The following UBAC2 variants were observed in gnomAD, a reference collection of about 807,000 sequenced individuals.
UBAC2 encodes the protein ubiquitin-associated domain-containing protein 2.
In UBAC2, 26 loss-of-function variants were observed where a neutral mutation model predicts 44.0. The observed-to-expected ratio is 0.59, with a 90% CI of 0.43 to 0.82. UBAC2 has a LOEUF of 0.82. Ranked by LOEUF, UBAC2 falls within the 40% of genes least tolerant of loss-of-function variation. The pLI, the probability that UBAC2 is intolerant of heterozygous loss-of-function variation, is 0.00. For missense variants in UBAC2, 329 were observed against 419.4 expected (o/e 0.78, Z 1.88); for synonymous variants, 155 against 154.3 (o/e 1.00, Z -0.04).
At chr13:99,293,605 G>A (rs898890174) in intron 4 of UBAC2, among the ~76,000 whole-genome samples, 9 of 152,166 alleles carry the variant, frequency 5.9e-5, no homozygotes, top group Non-Finnish European at 1.2e-4. Flanking sequence ...GCTTTCATCC[G>A]TGTTGTCTCA....
intron 1 of UBAC2, among the ~76,000 whole-genome samples, chr13:99,220,166 T>C (rs1389455205): frequency 2.0e-5 from 3 of 152,206 alleles, no homozygotes; most frequent in African/African-American, 4.8e-5. Context: ...AGTACACATA[T>C]AAAGTTATCA....
chr13:99,235,952 A>C (rs893900734), intron 1 of UBAC2, among the ~76,000 whole-genome samples: 2 of 152,106 alleles, frequency 1.3e-5, no homozygotes, highest in African/African-American at 4.8e-5. Context: ...TGGGCAATAG[A>C]GTGAGACCCT....
intron 4 of UBAC2, among the ~76,000 whole-genome samples, chr13:99,274,757 C>T (rs536139748): frequency 1.3e-5 from 2 of 151,438 alleles, no homozygotes; most frequent in South Asian, 4.2e-4. Flanking sequence ...TCACTGTTGC[C>T]CAGGCTGGAG....
intron 7 of UBAC2, among the ~76,000 whole-genome samples, chr13:99,364,213 C>T (rs2045301923): frequency 6.6e-6 from 1 of 151,488 alleles, no homozygotes; most frequent in South Asian, 2.1e-4. Flanking sequence ...GCATTTTTGT[C>T]TCTTCATGAA....
rs565712491 is a variant in UBAC2, at chr13:99,234,062, A to G, written c.32-4365A>G. Among the ~76,000 whole-genome samples the G allele has an allele frequency of 3.1e-3, 475 of 152,092 alleles. 3 individuals are homozygous for G. The highest frequency in any genetic ancestry group is 0.01 in the Middle Eastern group (3 of 294). ...AAAGGGAGGTACAGGGTTATTATAT[A>G]AAGTAATTATTTCCAAGGAAAGCAT... On this transcript the variant is annotated intron_variant, in intron 1 of 8. Transcript: ENST00000403766.
At chr13:99,300,193 A>G (rs1399039005) in intron 4 of UBAC2, among the ~76,000 whole-genome samples, 3 of 152,212 alleles carry the variant, frequency 2.0e-5, no homozygotes, top group Non-Finnish European at 2.9e-5. Context: ...CACATCATTG[A>G]GCTCCAAGGG....
At chr13:99,356,688 A>G (rs1020120173) in intron 7 of UBAC2, among the ~76,000 whole-genome samples, 2 of 152,154 alleles carry the variant, frequency 1.3e-5, no homozygotes, top group Non-Finnish European at 2.9e-5. Flanking sequence ...GATACAATAC[A>G]CTGTTTTTAT....
intron 4 of UBAC2, among the ~76,000 whole-genome samples, chr13:99,310,275 C>T (rs956696531): frequency 1.5e-4 from 23 of 152,136 alleles, no homozygotes; most frequent in African/African-American, 5.6e-4. Context: ...TACAGTGAGC[C>T]GTGATTATGC....
intron 7 of UBAC2, among the ~76,000 whole-genome samples, chr13:99,357,860 C>G (rs1341950366): frequency 6.6e-6 from 1 of 152,220 alleles, no homozygotes; most frequent in Non-Finnish European, 1.5e-5. Flanking sequence ...CGCCTTAACT[C>G]AGCAATATGC....
intron 8 of UBAC2, among the ~76,000 whole-genome samples, chr13:99,375,889 G>A (rs1183321003): frequency 7.4e-6 from 1 of 134,662 alleles, no homozygotes; most frequent in Non-Finnish European, 1.5e-5. Context: ...CCGCAACCTC[G>A]ACCTCCTGGG....
chr13:99,239,414 G>T (rs770671900), intron 2 of UBAC2, among the ~76,000 whole-genome samples: 1 of 152,172 alleles, frequency 6.6e-6, no homozygotes, highest in African/African-American at 2.4e-5. Context: ...CTATACTTAC[G>T]TGAAGGTATA....
chr13:99,281,555 G>A (rs901524903), intron 4 of UBAC2, among the ~76,000 whole-genome samples: 1 of 152,174 alleles, frequency 6.6e-6, no homozygotes, highest in Non-Finnish European at 1.5e-5. Context: ...AACAGCCCTG[G>A]AAGGTGAGAA....
chr13:99,356,579 A>G (rs1390690633), intron 7 of UBAC2, among the ~76,000 whole-genome samples: 3 of 152,192 alleles, frequency 2.0e-5, no homozygotes, highest in Non-Finnish European at 4.4e-5. Context: ...CGAGAGCTGC[A>G]AAACTAGCCT....
chr13:99,244,356 C>T (rs552476926), intron 3 of UBAC2, among the ~76,000 whole-genome samples, 159 bp from the exon 4 acceptor site: 1 of 151,994 alleles, frequency 6.6e-6, no homozygotes, highest in Non-Finnish European at 1.5e-5. Context: ...TTAATAAAAA[C>T]AAATAATTTC....
chr13:99,202,505 G>C (rs1277591438), intron 1 of UBAC2, among the ~76,000 whole-genome samples: 1 of 152,168 alleles, frequency 6.6e-6, no homozygotes, highest in Non-Finnish European at 1.5e-5. Context: ...GCTGGCCAAA[G>C]TACATATAAA....
intron 7 of UBAC2, among the ~76,000 whole-genome samples, chr13:99,350,800 A>G (rs1365170030): frequency 2.6e-5 from 4 of 152,202 alleles, no homozygotes; most frequent in Non-Finnish European, 5.9e-5. Context: ...TGCCATCTGA[A>G]GTAGGGGAGC....
chr13:99,249,853 C>A (rs1442342688), intron 4 of UBAC2, among the ~76,000 whole-genome samples: 1 of 152,046 alleles, frequency 6.6e-6, no homozygotes, highest in Non-Finnish European at 1.5e-5. Context: ...TGTGTGTTGG[C>A]CGCTTGCGTG....
intron 4 of UBAC2, among the ~76,000 whole-genome samples, chr13:99,268,611 C>CAAAAAAAAAAAA (rs756827927): frequency 6.9e-4 from 52 of 75,556 alleles, no homozygotes; most frequent in Middle Eastern, 7.1e-3. Flanking sequence ...GACTCTGTCT[C>CAAAAAAAAAAAA]AAAAAAAAAA....
intron 7 of UBAC2, among the ~76,000 whole-genome samples, chr13:99,367,471 G>GTCTAACATACATCAC (rs1217457263): frequency 5.4e-4 from 82 of 152,312 alleles, no homozygotes; most frequent in Non-Finnish European, 9.0e-4. Flanking sequence ...GACAGTCAGT[G>GTCTAACATACATCAC]GCGTCACAGT....
Sources: allele counts gnomAD v4.1 joint callset (sites outside exome capture counted in the v4.1 genomes callset), GRCh38; gene constraint gnomAD v4.1.1; transcripts MANE v1.5; gene names NCBI Gene and HGNC (gene_info 2026-07-23, HGNC 2026-07-21).